The following MIR17HG variants were observed in gnomAD, a reference collection of about 807,000 sequenced individuals.
The protein encoded by MIR17HG is MIR17 host gene (non-protein coding).
At chr13:91,351,400 G>A (rs1217496703) in intron 3 of MIR17HG, 1 of 512,744 alleles carries the variant, frequency 2.0e-6, no homozygotes, top group Non-Finnish European at 4.1e-6. Context: ...GGTGGGGATT[G>A]TGACCAGAAG....
rs527644671 is a variant in MIR17HG at position 91,348,988 on chromosome 13, CGCCGCCGGTCGCCGCGCGGCT to C, written n.141-701_141-681del. Among the ~76,000 whole-genome samples the C allele has an allele frequency of 5.6e-3, 849 of 150,522 alleles. 2 individuals are homozygous for C. The highest frequency in any genetic ancestry group is 0.021 in the Middle Eastern group (6 of 292). ...CGTCCCCGCCGCACTCGGGCCTCGG[CGCCGCCGGTCGCCGCGCGGCT>C]GCCGCCGGGAAACGGGTTGGGGGGG... On this transcript the variant is annotated intron_variant and non_coding_transcript_variant, in intron 1 of 3. Transcript: ENST00000400282.
chr13:91,352,423 A>AG (rs917758554), intron 3 of MIR17HG: 2 of 152,228 alleles, frequency 1.3e-5, no homozygotes, highest in African/African-American at 4.8e-5. Flanking sequence ...TGTTTGAAAG[A>AG]TAAGTTTTGA....
intron 3 of MIR17HG, chr13:91,351,476 T>C: frequency 4.7e-6 from 2 of 421,522 alleles, no homozygotes; most frequent in South Asian, 3.6e-5. Flanking sequence ...ATACATGAAA[T>C]ATTAAAGAAA....
chr13:91,348,689 G>A (rs1211379606), intron 1 of MIR17HG, among the ~76,000 whole-genome samples: 2 of 150,692 alleles, frequency 1.3e-5, no homozygotes, highest in Admixed American at 6.6e-5. Context: ...CCTCAGCCGC[G>A]GCGTGGAGCC....
chr13:91,348,086 G>A (rs1376924741), intron 1 of MIR17HG: 1 of 146,656 alleles, frequency 6.8e-6, no homozygotes, highest in Non-Finnish European at 1.5e-5. Flanking sequence ...CGTGGCCGGG[G>A]CGGGTCTCGG....
At chr13:91,352,040 CTAAA>C (rs1875343548) in intron 3 of MIR17HG, 1 of 152,858 alleles carries the variant, frequency 6.5e-6, no homozygotes, top group Admixed American at 6.5e-5. Context: ...AGAACAAATG[CTAAA>C]TAGAGTAACA....
rs1040680597 is a variant in MIR17HG, at chr13:91,352,734, C to G, written n.285-1199C>G. On this transcript the variant is annotated intron_variant and non_coding_transcript_variant, in intron 3 of 3. Transcript: ENST00000400282. ...AATCAAATTGTACATTAGCAGAGTT[C>G]TTAAGCTTTTTGAATTGAAGGAGAC... is the stretch of plus-strand genomic sequence containing the variant. Among the ~76,000 whole-genome samples, 8 of 152,126 alleles carry G rather than the reference C, an allele frequency of 5.3e-5. 1 individual carries two copies. The highest frequency in any genetic ancestry group is 1.9e-4 in the African/African-American group (8 of 41,418).
At chr13:91,350,489 T>C (rs751472054) in intron 3 of MIR17HG, 19 of 481,122 alleles carry the variant, frequency 3.9e-5, no homozygotes, top group Non-Finnish European at 8.1e-5. Flanking sequence ...TTAGGGATTA[T>C]GCTGAATTTG....
At chr13:91,351,871 A>G (rs759743862) in intron 3 of MIR17HG, 38 of 158,040 alleles carry the variant, frequency 2.4e-4, no homozygotes, top group Non-Finnish European at 2.1e-4. Context: ...TCTATTAAGC[A>G]AGTACCAGTT....
chr13:91,351,976 A>G (rs1299196513), intron 3 of MIR17HG: 1 of 153,270 alleles, frequency 6.5e-6, no homozygotes, highest in Non-Finnish European at 1.5e-5. Flanking sequence ...TAAATGACCA[A>G]GGTCCTCAGA....
intron 1 of MIR17HG, among the ~76,000 whole-genome samples, chr13:91,348,720 T>C (rs1303247954): frequency 2.0e-5 from 3 of 150,096 alleles, no homozygotes; most frequent in Non-Finnish European, 4.5e-5. Flanking sequence ...GGCCGCTTGC[T>C]GGGAGTGTGG....
chr13:91,354,111 T>G (rs1006880481), exon 4 of MIR17HG: 3 of 152,288 alleles, frequency 2.0e-5, no homozygotes, highest in African/African-American at 7.2e-5. Flanking sequence ...TGTCTAACTT[T>G]AGAGAATTAA....
intron 3 of MIR17HG, chr13:91,350,897 C>T (rs1477297925): frequency 3.7e-6 from 2 of 534,634 alleles, no homozygotes; most frequent in Non-Finnish European, 7.7e-6. Flanking sequence ...GTTTGCAGTC[C>T]TCTGTTAGTT....
At chr13:91,352,455 G>A (rs928123108) in intron 3 of MIR17HG, 1 of 152,154 alleles carries the variant, frequency 6.6e-6, no homozygotes, top group African/African-American at 2.4e-5. Flanking sequence ...GTATTTTGGA[G>A]TAAAAGAGGC....
chr13:91,354,206 A>T (rs1241795825), exon 4 of MIR17HG: 1 of 152,230 alleles, frequency 6.6e-6, no homozygotes, highest in African/African-American at 2.4e-5. Flanking sequence ...TAAGATCATC[A>T]TGCCCACTTG....
At chr13:91,348,920 G>A (rs1278494324) in intron 1 of MIR17HG, among the ~76,000 whole-genome samples, 3 of 149,204 alleles carry the variant, frequency 2.0e-5, no homozygotes, top group Non-Finnish European at 3.0e-5. Flanking sequence ...TCTGGGCCGG[G>A]CTCGGGGGGG....
At chr13:91,348,590 T>C (rs1875090610) in intron 1 of MIR17HG, among the ~76,000 whole-genome samples, 1 of 150,966 alleles carries the variant, frequency 6.6e-6, no homozygotes, top group Non-Finnish European at 1.5e-5. Flanking sequence ...CCACCCCCGC[T>C]CCGCGTGGGC....
At chr13:91,350,639 A>AGT (rs1875257199) in intron 3 of MIR17HG, 1 of 534,612 alleles carries the variant, frequency 1.9e-6, no homozygotes, top group Non-Finnish European at 3.8e-6. Context: ...CAGTGCAGGT[A>AGT]GTGATATGTG....
chr13:91,348,947 A>AG (rs1011280569), intron 1 of MIR17HG, among the ~76,000 whole-genome samples: 4 of 146,886 alleles, frequency 2.7e-5, no homozygotes, highest in African/African-American at 1.0e-4. Flanking sequence ...GACACAAAGG[A>AG]GGGGCGGCGC....
Sources: allele counts gnomAD v4.1 joint callset (sites outside exome capture counted in the v4.1 genomes callset), GRCh38; gene constraint gnomAD v4.1.1; transcripts MANE v1.5; gene names NCBI Gene and HGNC (gene_info 2026-07-23, HGNC 2026-07-21).